Variants in KIAA1217 observed in about 807,000 individuals in gnomAD.
The protein encoded by KIAA1217 is sickle tail protein homolog.
KIAA1217 carries 88 observed loss-of-function variants against 163.9 expected under a neutral mutation model. That is an observed-to-expected ratio of 0.54 (90% CI 0.45 to 0.64). The LOEUF (loss-of-function observed/expected upper bound fraction) is 0.64. KIAA1217 is among the 30% of genes least tolerant of loss of function. The probability of loss-of-function intolerance (pLI) is 0.00; values close to 1 mark genes in which losing one functional copy is unlikely to be tolerated. For missense variants in KIAA1217, 2,372 were observed against 2,475.0 expected (o/e 0.96, Z 0.88); for synonymous variants, 903 against 923.1 (o/e 0.98, Z 0.39).
At chr10:24,179,089 C>T (rs1481185132) in intron 2 of KIAA1217, among the ~76,000 whole-genome samples, 3 of 152,162 alleles carry the variant, frequency 2.0e-5, no homozygotes, top group Non-Finnish European at 4.4e-5. Context: ...CTCCCATGTA[C>T]ACAGAGTGCC....
intron 2 of KIAA1217, among the ~76,000 whole-genome samples, chr10:24,289,293 C>A (rs540145457): frequency 2.0e-4 from 31 of 152,174 alleles, no homozygotes; most frequent in African/African-American, 6.7e-4. Flanking sequence ...AATATAGATG[C>A]TCCTTCTGGA....
chr10:24,397,953 G>C (rs189863201), intron 3 of KIAA1217, among the ~76,000 whole-genome samples: 1 of 152,196 alleles, frequency 6.6e-6, no homozygotes, highest in Non-Finnish European at 1.5e-5. Context: ...TGTGACATTG[G>C]GCAAGTTAAT....
At chr10:24,276,059 T>C (rs901226873) in intron 2 of KIAA1217, among the ~76,000 whole-genome samples, 2 of 152,230 alleles carry the variant, frequency 1.3e-5, no homozygotes, top group Admixed American at 6.5e-5. Flanking sequence ...GAAGTTGAAT[T>C]TAATTCATAA....
Position 24,404,141 on chromosome 10 carries a change from T to G in KIAA1217, c.553+23074T>G, listed in dbSNP as rs567723586. Among the ~76,000 whole-genome samples, 9 of 152,280 alleles carry G rather than the reference T, an allele frequency of 5.9e-5. 1 individual carries two copies. The East Asian group carries it at 1.7e-3, about 29-fold the overall frequency. ...CCCAGCTAATTTTTTGTATTTATTT[T>G]AGACACAGGGTTTCACCATGCTACG... On this transcript the variant is annotated intron_variant, in intron 3 of 20. Transcript: ENST00000376454.
At position 24,380,942 on chromosome 10, in the gene KIAA1217, C is replaced by G; in HGVS notation, c.428C>G (p.Thr143Arg). The G allele has an allele frequency of 6.2e-7, 1 of 1,609,116 alleles. No homozygotes were observed. Among genetic ancestry groups the G allele is most frequent in the Non-Finnish European group, 8.5e-7 (1 of 1,177,320 alleles). ...LGDPVEHLSE[T>R]SADSLEAMSE... is the part of the protein sequence containing the mutation. Reference sequence around the variant, plus strand: ...GACCCGGTCGAGCATTTATCAGAGACGTCCGCTGATTCTTTGGAAGCCATG... The same window carrying G: ...GACCCGGTCGAGCATTTATCAGAGAGGTCCGCTGATTCTTTGGAAGCCATG... Residue 143 changes from threonine to arginine, a missense_variant, in exon 3 of 21, where the codon ACG (threonine) becomes AGG (arginine). Transcript: ENST00000376454.
chr10:24,097,379 C>T (rs1197750354), intron 2 of KIAA1217, among the ~76,000 whole-genome samples: 1 of 152,020 alleles, frequency 6.6e-6, no homozygotes, highest in Non-Finnish European at 1.5e-5. Context: ...TAGCAAGATC[C>T]TATCTCTGAA....
chr10:24,046,841 T>A (rs55639744), intron 2 of KIAA1217, among the ~76,000 whole-genome samples: 1 of 152,162 alleles, frequency 6.6e-6, no homozygotes. Context: ...TTTTGAGCCT[T>A]GTACTTGCAC....
Position 24,542,946 on chromosome 10 carries a change from A to G in KIAA1217, c.3676A>G (p.Ile1226Val). The change falls in exon 19 of 21, where the codon ATT (isoleucine) becomes GTT (valine). Residue 1226 changes from isoleucine (I) to valine (V), a missense_variant. Coordinates refer to ENST00000376454, the MANE Select transcript of KIAA1217 (RefSeq NM_019590.5). The stretch of plus-strand genomic sequence containing the variant: ...GTGGGAAAGAGGAATGGAGAATAGT[A>G]TTTCTGATGCATCAAGAACATCAGA... ...PKWERGMENS[I>V]SDASRTSEYK... 6.2e-7 allele frequency: 1 copy of G among 1,613,682 alleles called. No homozygotes were observed. Among genetic ancestry groups the G allele is most frequent in the East Asian group, 2.2e-5 (1 of 44,868 alleles).
chr10:24,096,105 C>T (rs1243710907), intron 2 of KIAA1217, among the ~76,000 whole-genome samples: 1 of 152,140 alleles, frequency 6.6e-6, no homozygotes, highest in Admixed American at 6.5e-5. Flanking sequence ...GAGATCCTGT[C>T]TTGAAAACAA....
chr10:23,817,998 T>TATATACACAC (rs1564447822), intron 1 of KIAA1217, among the ~76,000 whole-genome samples: 53 of 103,712 alleles, frequency 5.1e-4, no homozygotes, highest in African/African-American at 2.1e-3. Context: ...TATATATATA[T>TATATACACAC]ATATATATAT....
chr10:23,850,925 C>G (rs914001847), intron 1 of KIAA1217, among the ~76,000 whole-genome samples: 1 of 152,036 alleles, frequency 6.6e-6, no homozygotes, highest in South Asian at 2.1e-4. Context: ...TGAGAACTCA[C>G]TATCAATGAG....
intron 5 of KIAA1217, among the ~76,000 whole-genome samples, chr10:24,467,958 A>G (rs1358701825): frequency 3.3e-5 from 5 of 152,206 alleles, no homozygotes; most frequent in Non-Finnish European, 7.3e-5. Flanking sequence ...CATTAGCCAA[A>G]TAACAGTTAA....
intron 2 of KIAA1217, among the ~76,000 whole-genome samples, chr10:24,167,699 A>C (rs902974265): frequency 6.6e-6 from 1 of 152,046 alleles, no homozygotes; most frequent in Non-Finnish European, 1.5e-5. Context: ...CCCCTCCCTC[A>C]CACAAACTCA....
intron 9 of KIAA1217, among the ~76,000 whole-genome samples, chr10:24,512,865 T>C (rs2069415783): frequency 6.6e-6 from 1 of 152,180 alleles, no homozygotes; most frequent in African/African-American, 2.4e-5. Flanking sequence ...CAAGGGAGTC[T>C]AAATAATGGG....
At chr10:23,853,146 G>A (rs1839445333) in intron 1 of KIAA1217, among the ~76,000 whole-genome samples, 6 of 152,224 alleles carry the variant, frequency 3.9e-5, no homozygotes, top group Non-Finnish European at 7.4e-5. Context: ...TATTGGCTGT[G>A]GGTTTGTCAT....
At chr10:24,098,818 G>GA (rs922958428) in intron 2 of KIAA1217, among the ~76,000 whole-genome samples, 7 of 150,132 alleles carry the variant, frequency 4.7e-5, no homozygotes, top group Middle Eastern at 3.4e-3. Flanking sequence ...CCCTGTCTCT[G>GA]AAAAAAAAAG....
intron 3 of KIAA1217, among the ~76,000 whole-genome samples, chr10:24,392,366 T>C (rs1387016097): frequency 1.3e-5 from 2 of 152,214 alleles, no homozygotes; most frequent in East Asian, 3.9e-4. Context: ...TCCATGTGGC[T>C]ATATCTTTAC....
chr10:24,003,192 G>A (rs1010000563), intron 1 of KIAA1217, among the ~76,000 whole-genome samples: 1 of 152,044 alleles, frequency 6.6e-6, no homozygotes, highest in Non-Finnish European at 1.5e-5. Context: ...TTGCTGGATT[G>A]ATTGGTAGAT....
intron 2 of KIAA1217, among the ~76,000 whole-genome samples, chr10:24,064,894 A>T (rs1160284127): frequency 6.6e-6 from 1 of 152,164 alleles, no homozygotes; most frequent in African/African-American, 2.4e-5. Context: ...CGAGGAATTT[A>T]TCCATTTCTT....
Sources: allele counts gnomAD v4.1 joint callset (sites outside exome capture counted in the v4.1 genomes callset), GRCh38; gene constraint gnomAD v4.1.1; transcripts MANE v1.5; gene names NCBI Gene and HGNC (gene_info 2026-07-23, HGNC 2026-07-21).